NRG1: variants seen among roughly 807,000 people sequenced by gnomAD.
NRG1 encodes neuregulin 1, also known as pro-neuregulin-1, membrane-bound isoform.
A neutral mutation model predicts 63.8 loss-of-function variants in NRG1; 18 were observed. The observed-to-expected ratio is 0.28, with a 90% CI of 0.19 to 0.42. NRG1 has a LOEUF of 0.42. NRG1 is among the 10% of genes least tolerant of loss of function. The probability of loss-of-function intolerance (pLI) is 1.00; values close to 1 mark genes in which losing one functional copy is unlikely to be tolerated. For missense variants in NRG1, 762 were observed against 814.7 expected, an observed-to-expected ratio of 0.94 and a Z score of 0.79; for synonymous variants, 302 against 301.3, an observed-to-expected ratio of 1.00 and a Z score of -0.02.
At chr8:32,356,487 C>A (rs1166450259) in intron 1 of NRG1, among the ~76,000 whole-genome samples, 1 of 147,650 alleles carries the variant, frequency 6.8e-6, no homozygotes, top group African/African-American at 2.5e-5. Context: ...CCCCCCCCAC[C>A]CGCCGGGCCC....
At chr8:32,334,126 A>T (rs77736459) in intron 1 of NRG1, among the ~76,000 whole-genome samples, 2,233 of 152,308 alleles carry the variant, frequency 0.015, 54 homozygotes, top group African/African-American at 0.05. Flanking sequence ...TAACTCATTT[A>T]TATCACTTAC....
chr8:31,934,323 ATG>A (rs922573330), intron 1 of NRG1, among the ~76,000 whole-genome samples: 1 of 150,674 alleles, frequency 6.6e-6, no homozygotes, highest in Non-Finnish European at 1.5e-5. Flanking sequence ...GTGTATATAT[ATG>A]TGTGTGTATA....
intron 5 of NRG1, among the ~76,000 whole-genome samples, chr8:32,707,907 G>T (rs765609230): frequency 1.5e-4 from 22 of 146,470 alleles, no homozygotes; most frequent in Non-Finnish European, 1.8e-4. Context: ...TTTCTCCCTG[G>T]CCTCATACCC....
At position 32,640,080 on chromosome 8, in the gene NRG1, C is replaced by T. The variant is rs138866048; in HGVS notation, c.502+23195C>T. On this transcript the variant is annotated intron_variant, in intron 5 of 11. Coordinates refer to ENST00000356819, the Ensembl canonical transcript of NRG1. The stretch of plus-strand genomic sequence containing the variant: ...GAGCTGTGCTGCTCTATGCCCTGAA[C>T]GTAACTGTAATAGTGAATATTAATG... Among the ~76,000 whole-genome samples, 64 of 152,212 alleles carry T rather than the reference C, an allele frequency of 4.2e-4. No individual in the cohort carries two copies. The East Asian group carries it at 0.011, about 26-fold the overall frequency.
At position 31,678,821 on chromosome 8, in the gene NRG1, C is replaced by G. The variant is rs1246863291; in HGVS notation, c.37+39390C>G. On this transcript the variant is annotated intron_variant, in intron 1 of 10. Transcript: ENST00000519301. ...ATATTTAAATAATATTTAATTTTAA[C>G]TTTATATTGATATAAAATTATTTAA... Among the ~76,000 whole-genome samples, 3 of 148,236 alleles carry G rather than the reference C, an allele frequency of 2.0e-5. No individual in the cohort carries two copies. In the Admixed American group the frequency reaches 2.0e-4, roughly 10 times the overall value.
intron 1 of NRG1, among the ~76,000 whole-genome samples, chr8:32,569,781 CAAGT>C: frequency 6.6e-6 from 1 of 152,000 alleles, no homozygotes; most frequent in Middle Eastern, 3.4e-3. Context: ...CAATCATACA[CAAGT>C]AAAACATTTA....
chr8:32,501,090 C>T (rs1448644422), intron 1 of NRG1, among the ~76,000 whole-genome samples: 1 of 152,180 alleles, frequency 6.6e-6, no homozygotes, highest in African/African-American at 2.4e-5. Flanking sequence ...GCATGCTGGC[C>T]TACAGCTGAC....
At chr8:32,048,933 G>T (rs1395447174) in intron 1 of NRG1, among the ~76,000 whole-genome samples, 4 of 151,938 alleles carry the variant, frequency 2.6e-5, no homozygotes, top group Admixed American at 2.6e-4. Flanking sequence ...GTTTGGGATG[G>T]TTTAAGGGAG....
intron 5 of NRG1, among the ~76,000 whole-genome samples, chr8:32,666,941 A>C (rs891728271): frequency 1.3e-5 from 2 of 152,204 alleles, no homozygotes. Flanking sequence ...CATGCATCAG[A>C]ATGTCCTTCA....
intron 1 of NRG1, among the ~76,000 whole-genome samples, chr8:31,820,490 C>T (rs750682019): frequency 6.6e-5 from 10 of 152,154 alleles, no homozygotes; most frequent in Non-Finnish European, 1.5e-4. Flanking sequence ...GACATACTGT[C>T]CATTCAGTCA....
At chr8:32,072,501 G>A (rs11780510) in intron 1 of NRG1, among the ~76,000 whole-genome samples, 148,641 of 152,238 alleles carry the variant, frequency 0.98, 72,661 homozygotes, top group East Asian at 1. Flanking sequence ...CCAGTTTTCT[G>A]TCATGTACCT....
chr8:31,689,345 G>T (rs562061855), intron 1 of NRG1, among the ~76,000 whole-genome samples: 2 of 152,274 alleles, frequency 1.3e-5, no homozygotes, highest in South Asian at 4.1e-4. Flanking sequence ...CATGCTTCCT[G>T]TTCAGATAAT....
intron 1 of NRG1, among the ~76,000 whole-genome samples, chr8:32,533,835 TG>T (rs769567306): frequency 2.0e-5 from 3 of 152,122 alleles, no homozygotes; most frequent in African/African-American, 4.8e-5. Flanking sequence ...ATGTCAAAAA[TG>T]CAGATAGCGC....
At chr8:32,103,180 C>A (rs1830792938) in intron 1 of NRG1, among the ~76,000 whole-genome samples, 1 of 152,144 alleles carries the variant, frequency 6.6e-6, no homozygotes, top group Non-Finnish European at 1.5e-5. Flanking sequence ...TCTCCCTGAT[C>A]CCCCAGTACC....
intron 1 of NRG1, among the ~76,000 whole-genome samples, chr8:31,872,747 A>G (rs894088764): frequency 6.6e-6 from 1 of 152,256 alleles, no homozygotes; most frequent in Admixed American, 6.5e-5. Context: ...CATCATAATT[A>G]TAGATCATCC....
At chr8:32,102,872 G>A (rs981140604) in intron 1 of NRG1, among the ~76,000 whole-genome samples, 1 of 151,940 alleles carries the variant, frequency 6.6e-6, no homozygotes, top group Admixed American at 6.6e-5. Flanking sequence ...TGTCTTGGTG[G>A]CTTTCTAAGT....
chr8:32,284,078 C>T (rs890758780), intron 1 of NRG1, among the ~76,000 whole-genome samples: 4 of 152,192 alleles, frequency 2.6e-5, no homozygotes, highest in Admixed American at 1.3e-4. Context: ...CTCTCTTGAT[C>T]AGCCTTTAGT....
chr8:31,826,757 C>G (rs531439333), intron 1 of NRG1, among the ~76,000 whole-genome samples: 1 of 152,266 alleles, frequency 6.6e-6, no homozygotes, highest in East Asian at 1.9e-4. Flanking sequence ...TCCCTGATGA[C>G]CTGAAGGTCC....
chr8:32,614,271 T>C, intron 3 of NRG1: 1 of 369,952 alleles, frequency 2.7e-6, no homozygotes, highest in East Asian at 3.9e-5. Context: ...GTGGAGGCAG[T>C]GAATGCTTCC....
Sources: allele counts gnomAD v4.1 joint callset (sites outside exome capture counted in the v4.1 genomes callset), GRCh38; gene constraint gnomAD v4.1.1; transcripts MANE v1.5; gene names NCBI Gene and HGNC (gene_info 2026-07-23, HGNC 2026-07-21).